BICRAL: variants seen among roughly 807,000 people sequenced by gnomAD.
BICRAL encodes the protein BRD4-interacting chromatin-remodeling complex-associated protein-like.
BICRAL carries 8 observed loss-of-function variants against 91.8 expected under a neutral mutation model. That is an observed-to-expected ratio of 0.09 (90% confidence interval 0.05 to 0.16). The LOEUF is 0.16. BICRAL is among the 10% of genes least tolerant of loss of function. The pLI, the probability that BICRAL is intolerant of heterozygous loss-of-function variation, is 1.00. For synonymous variants in BICRAL, 445 were observed against 491.1 expected (o/e 0.91, Z 1.24); for missense variants, 1,038 against 1,310.9 (o/e 0.79, Z 3.21).
intron 6 of BICRAL, among the ~76,000 whole-genome samples, chr6:42,850,019 A>G (rs1339532092): frequency 6.6e-6 from 1 of 151,606 alleles, no homozygotes. Flanking sequence ...CTTGGGTGAC[A>G]GAGTGAGACC....
intron 7 of BICRAL, 76 bp from the exon 8 acceptor site, chr6:42,853,562 A>G (rs1392986335): frequency 4.8e-6 from 5 of 1,032,490 alleles, no homozygotes; most frequent in Admixed American, 3.5e-5. Context: ...GTCTGTACCC[A>G]TTGGGTTCTA....
intron 1 of BICRAL, among the ~76,000 whole-genome samples, chr6:42,765,025 C>G (rs1425874211): frequency 6.6e-6 from 1 of 152,134 alleles, no homozygotes; most frequent in Non-Finnish European, 1.5e-5. Context: ...CTTTATGGGG[C>G]TCAGAAGTGT....
intron 5 of BICRAL, among the ~76,000 whole-genome samples, chr6:42,828,185 G>A (rs1284530990): frequency 5.3e-5 from 8 of 151,830 alleles, no homozygotes; most frequent in African/African-American, 1.9e-4. Flanking sequence ...AGGCCGAGGC[G>A]GGCAGATCAT....
At chr6:42,804,322 C>T (rs1038696324) in intron 1 of BICRAL, among the ~76,000 whole-genome samples, 14 of 152,130 alleles carry the variant, frequency 9.2e-5, no homozygotes, top group Non-Finnish European at 1.8e-4. Flanking sequence ...TGTGCCCGGC[C>T]AGTATTATAC....
At chr6:42,857,965 C>T (rs1056833279) in intron 10 of BICRAL, among the ~76,000 whole-genome samples, 26 of 150,772 alleles carry the variant, frequency 1.7e-4, no homozygotes, top group African/African-American at 6.1e-4. Context: ...CCCACCACCA[C>T]GGCTGGCTAA....
intron 1 of BICRAL, among the ~76,000 whole-genome samples, chr6:42,749,858 CT>C (rs565514146): frequency 2.1e-3 from 286 of 138,940 alleles, no homozygotes; most frequent in Non-Finnish European, 2.3e-3. Context: ...TTGGGAGTTC[CT>C]TTTTTTTTTT....
chr6:42,816,841 A>C (rs982187403), intron 2 of BICRAL, among the ~76,000 whole-genome samples: 34 of 151,676 alleles, frequency 2.2e-4, no homozygotes, highest in African/African-American at 7.5e-4. Flanking sequence ...GGTGAAACCC[A>C]GTCTCTACTA....
Position 42,811,959 on chromosome 6 carries a change from A to G in BICRAL, c.-6+1558A>G, listed in dbSNP as rs1190412742. Among the ~76,000 whole-genome samples, 3 of 152,218 alleles carry G rather than the reference A, an allele frequency of 2.0e-5. No individual in the cohort carries two copies. In the East Asian group the frequency reaches 5.8e-4, roughly 29 times the overall value. ...AAGCTTAAAAGCAATCCTTAAAAGG[A>G]TCAGACATTTTGTAAAGAAACTTTG... is the stretch of plus-strand genomic sequence containing the variant. On this transcript the variant is annotated intron_variant, in intron 2 of 12. Transcript: ENST00000314073.
chr6:42,826,298 A>C (rs907038308), intron 5 of BICRAL, among the ~76,000 whole-genome samples: 1 of 136,846 alleles, frequency 7.3e-6, no homozygotes, highest in African/African-American at 2.6e-5. Context: ...GCAGTGGTGC[A>C]ATCTCGGCTC....
chr6:42,865,573 A>G lies in BICRAL; in HGVS notation c.*127A>G, dbSNP rs1261315707. 1.6e-6 allele frequency: 1 copy of G among 608,782 alleles called. No individual in the cohort carries two copies. The highest frequency in any genetic ancestry group is 2.8e-5 in the East Asian group (1 of 36,148). The allele number at this position is 608,782 out of a possible 1,614,324, so 37.7% of individuals were successfully genotyped here. A position where few individuals can be genotyped will look rare whatever the true frequency, so the allele number is the denominator to read the frequency against. On this transcript the variant is annotated 3_prime_UTR_variant, in exon 13 of 13. Coordinates refer to ENST00000314073, the MANE Select transcript of BICRAL (RefSeq NM_001393499.1). ...CTGTCTCCAGCCTGCTTGATCTTTC[A>G]TCACAGGTTATTCTTTCTAATCTCA...
rs188177015 is a variant in BICRAL at position 42,771,647 on chromosome 6, C to T, written c.-260-10192C>T. 1.8e-3 allele frequency among the ~76,000 whole-genome samples: 278 copies of T among 151,156 alleles called. 1 individual carries two copies. The Middle Eastern group carries it at 0.02, about 11-fold the overall frequency. Reference sequence around the variant, plus strand: ...GACAAAATATTTTCTGATGGTTTTTCGTGTATGTGGTTTTTGTTTTTGAGG... The same window carrying T: ...GACAAAATATTTTCTGATGGTTTTTTGTGTATGTGGTTTTTGTTTTTGAGG... On this transcript the variant is annotated intron_variant, in intron 1 of 14. Transcript: ENST00000614467.
intron 6 of BICRAL, among the ~76,000 whole-genome samples, chr6:42,832,992 G>T (rs1013157072): frequency 2.0e-5 from 3 of 151,884 alleles, no homozygotes; most frequent in Non-Finnish European, 4.4e-5. Flanking sequence ...ATTTGGTTTT[G>T]GTTTTGGTGT....
intron 1 of BICRAL, among the ~76,000 whole-genome samples, chr6:42,784,738 G>T (rs949689136): frequency 3.9e-5 from 6 of 152,206 alleles, no homozygotes; most frequent in South Asian, 2.1e-4. Context: ...GTGAGCATCA[G>T]AATTAATTTG....
upstream of BICRAL, among the ~76,000 whole-genome samples, chr6:42,781,596 G>GGGGT (rs1554275298): frequency 2.8e-4 from 29 of 103,488 alleles, 1 homozygote; most frequent in Admixed American, 1.2e-3. Context: ...TGGGTGGGTG[G>GGGGT]GTGTGTGTGT....
In BICRAL at chr6:42,831,098, G is replaced by C; in HGVS notation, c.1839+926G>C. Among the ~76,000 whole-genome samples the C allele has an allele frequency of 1.3e-5, 2 of 152,174 alleles. 1 individual carries two copies. Among genetic ancestry groups the C allele is most frequent in the East Asian group, 3.8e-4 (2 of 5,202 alleles). On this transcript the variant is annotated intron_variant, in intron 6 of 12. Coordinates refer to ENST00000314073, the MANE Select transcript of BICRAL (RefSeq NM_001393499.1). ...CATGGAGTTATCAGGAGGGTGAAATGAGATAATCTATACAAAGCACTTAGA... is the reference window on the plus strand; with the variant it reads ...CATGGAGTTATCAGGAGGGTGAAATCAGATAATCTATACAAAGCACTTAGA...
At chr6:42,823,281 C>T (rs184862054) in intron 5 of BICRAL, among the ~76,000 whole-genome samples, 388 of 152,102 alleles carry the variant, frequency 2.6e-3, no homozygotes, top group Non-Finnish European at 3.6e-3. Context: ...GCATGCCACA[C>T]GGGCTAATTT....
At position 42,864,866 on chromosome 6, in the gene BICRAL, T is replaced by C; in HGVS notation, c.2660T>C (p.Val887Ala). Residue 887 changes from valine (V) to alanine (A), a missense_variant, in exon 13 of 13, where the codon GTC (valine) becomes GCC (alanine). Val to Ala is a moderately conservative substitution (Grantham distance 64). Coordinates refer to ENST00000314073, the MANE Select transcript of BICRAL (RefSeq NM_001393499.1). ...CATCTAGTGCCTAATCACATCGTGG[T>C]CTCTGCAGAAGGAAACATTTCTAAA... ...QFHLVPNHIV[V>A]SAEGNISKKT... is the part of the protein sequence containing the mutation. 6.2e-7 allele frequency: 1 copy of C among 1,614,020 alleles called. No homozygotes were observed. Among genetic ancestry groups the C allele is most frequent in the Non-Finnish European group, 8.5e-7 (1 of 1,179,990 alleles).
At chr6:42,816,020 T>G (rs1763983942) in intron 2 of BICRAL, among the ~76,000 whole-genome samples, 1 of 151,120 alleles carries the variant, frequency 6.6e-6, no homozygotes. Flanking sequence ...GATACAGTAT[T>G]TCTTTTAAGA....
At chr6:42,791,424 A>G (rs936104367) in intron 1 of BICRAL, among the ~76,000 whole-genome samples, 2 of 152,202 alleles carry the variant, frequency 1.3e-5, no homozygotes, top group Non-Finnish European at 2.9e-5. Context: ...ATGTGAGAGA[A>G]TAAGATATGA....
Sources: allele counts gnomAD v4.1 joint callset (sites outside exome capture counted in the v4.1 genomes callset), GRCh38; gene constraint gnomAD v4.1.1; transcripts MANE v1.5; gene names NCBI Gene and HGNC (gene_info 2026-07-23, HGNC 2026-07-21).